Variants in ZBTB5 observed in about 807,000 individuals in gnomAD.
ZBTB5 encodes zinc finger and BTB domain containing 5, also known as zinc finger and BTB domain-containing protein 5.
Under a neutral mutation model 37.9 loss-of-function variants are expected in ZBTB5, and 15 were observed. The ratio of observed to expected loss-of-function variants is 0.40; its 90% CI spans 0.26 to 0.61. ZBTB5 has a LOEUF of 0.61. Ranked by LOEUF, ZBTB5 falls within the 20% of genes least tolerant of loss-of-function variation. The pLI, the probability that ZBTB5 is intolerant of heterozygous loss-of-function variation, is 0.47. For synonymous variants in ZBTB5, 315 were observed against 312.4 expected (o/e 1.01, Z -0.09); for missense variants, 708 against 856.8 (o/e 0.83, Z 2.17).
intron 1 of ZBTB5, among the ~76,000 whole-genome samples, chr9:37,458,750 TAACTCTGAA>T (rs1355115800): frequency 6.6e-6 from 1 of 152,254 alleles, no homozygotes; most frequent in Non-Finnish European, 1.5e-5. Flanking sequence ...AAGATCTGCA[TAACTCTGAA>T]ATCAGTATTT....
chr9:37,443,756 C>A (rs1021479417), intron 1 of ZBTB5, among the ~76,000 whole-genome samples: 1 of 151,496 alleles, frequency 6.6e-6, no homozygotes. Context: ...CAAGGTGAAA[C>A]CCTGTCTCTA....
chr9:37,453,861 G>A (rs1685610150), intron 1 of ZBTB5, among the ~76,000 whole-genome samples: 1 of 152,318 alleles, frequency 6.6e-6, no homozygotes, highest in East Asian at 1.9e-4. Flanking sequence ...AACTGTGAGG[G>A]AGTTATAAAT....
intron 1 of ZBTB5, among the ~76,000 whole-genome samples, chr9:37,461,178 TG>T (rs1824286726): frequency 6.6e-6 from 1 of 152,236 alleles, no homozygotes; most frequent in Non-Finnish European, 1.5e-5. Flanking sequence ...GTAGCATTTC[TG>T]GGCTCCTCCC....
Position 37,440,545 on chromosome 9 carries a change from G to A in ZBTB5, c.2007C>T (p.Ser669=). The change falls in exon 2 of 2, where the codon AGC becomes AGT. Residue 669 remains serine (S), a synonymous_variant. Coordinates refer to ENST00000307750, the MANE Select transcript of ZBTB5 (RefSeq NM_014872.3). ...AGAGCAAAGTGCTGGGAAGATTGCT[G>A]CTCTGCCAGCGCAGGCAGGTAGTCT... ...HSKTTCLRWQ[S]SNLPSTLL is the part of the protein sequence containing the mutation. The A allele has an allele frequency of 6.2e-7, 1 of 1,614,230 alleles. No individual in the cohort carries two copies. The highest frequency in any genetic ancestry group is 2.2e-5 in the East Asian group (1 of 44,884).
chr9:37,443,996 T>C (rs1262885533), intron 1 of ZBTB5, among the ~76,000 whole-genome samples: 4 of 152,010 alleles, frequency 2.6e-5, no homozygotes, highest in African/African-American at 9.7e-5. Flanking sequence ...GGTGGGAGGA[T>C]CACTTGAGCC....
chr9:37,465,030 G>A lies in ZBTB5; in HGVS notation c.-5+185C>T, dbSNP rs1824365908. Among the ~76,000 whole-genome samples the A allele has an allele frequency of 2.0e-5, 3 of 152,178 alleles. No homozygotes were observed. The South Asian group carries it at 6.2e-4, about 32-fold the overall frequency. ...TCGGGACACCGGGGACGCCTGCGCA[G>A]AAGAACCCGCCTGGCCCCTTGGCTC... On this transcript the variant is annotated intron_variant, in intron 1 of 1. Coordinates refer to ENST00000307750, the MANE Select transcript of ZBTB5 (RefSeq NM_014872.3).
chr9:37,459,049 T>C (rs568001197), intron 1 of ZBTB5, among the ~76,000 whole-genome samples: 3 of 152,352 alleles, frequency 2.0e-5, no homozygotes, highest in African/African-American at 7.2e-5. Context: ...CTGGAGTTTT[T>C]TGGTATATTT....
intron 1 of ZBTB5, among the ~76,000 whole-genome samples, chr9:37,459,932 G>A (rs1023275156): frequency 5.3e-5 from 8 of 150,094 alleles, no homozygotes; most frequent in South Asian, 2.1e-4. Context: ...GGATGGTCTC[G>A]ATCTCCTGAC....
At chr9:37,463,263 C>T (rs1424446814) in intron 1 of ZBTB5, among the ~76,000 whole-genome samples, 1 of 152,188 alleles carries the variant, frequency 6.6e-6, no homozygotes, top group East Asian at 1.9e-4. Context: ...AGACAAAAGG[C>T]ATAGTGTAGT....
chr9:37,465,377 C>T lies in ZBTB5; in HGVS notation c.-167G>A, dbSNP rs1204598152. The stretch of plus-strand genomic sequence containing the variant: ...CCCCCTCCCACCCCGCCTCTAGTCC[C>T]CTAGCTCCTCCAGCCAGTTCGCCGC... On this transcript the variant is annotated 5_prime_UTR_variant, in exon 1 of 2. Coordinates refer to ENST00000307750, the MANE Select transcript of ZBTB5 (RefSeq NM_014872.3). 6.6e-6 allele frequency: 1 copy of T among 151,658 alleles called. No individual in the cohort carries two copies. Among genetic ancestry groups the T allele is most frequent in the Non-Finnish European group, 1.5e-5 (1 of 67,882 alleles). 9.4% of individuals were successfully genotyped at this position (151,658 alleles called of 1,614,324 possible).
chr9:37,463,975 G>C (rs1006764692), intron 1 of ZBTB5, among the ~76,000 whole-genome samples: 2 of 152,192 alleles, frequency 1.3e-5, no homozygotes, highest in Non-Finnish European at 2.9e-5. Context: ...TCCCAAATTT[G>C]ATGAGATTTC....
intron 1 of ZBTB5, among the ~76,000 whole-genome samples, chr9:37,445,494 A>G (rs1823959074): frequency 6.6e-6 from 1 of 152,032 alleles, no homozygotes; most frequent in Admixed American, 6.6e-5. Context: ...CTAAAAATAC[A>G]AAAACAATTA....
Position 37,440,026 on chromosome 9 carries a change from A to G in ZBTB5, c.*492T>C, listed in dbSNP as rs895724081. On this transcript the variant is annotated 3_prime_UTR_variant, in exon 2 of 2. Transcript: ENST00000307750. ...TTGAGGCCTAGGACTAGCTCATGAT[A>G]CACTTTAAAGCATTTGTGGCAGACA... 2 of 164,670 alleles carry G rather than the reference A, an allele frequency of 1.2e-5. No individual in the cohort carries two copies. The highest frequency in any genetic ancestry group is 4.8e-5 in the African/African-American group (2 of 41,524). 10.2% of individuals were successfully genotyped at this position (164,670 alleles called of 1,614,324 possible). A position where few individuals can be genotyped will look rare whatever the true frequency, so the allele number is the denominator to read the frequency against.
chr9:37,450,668 C>A (rs548268972), intron 1 of ZBTB5, among the ~76,000 whole-genome samples: 12 of 152,160 alleles, frequency 7.9e-5, no homozygotes, highest in African/African-American at 2.9e-4. Context: ...AGTTCAAGAC[C>A]AGCCTGGCCA....
intron 1 of ZBTB5, among the ~76,000 whole-genome samples, chr9:37,460,959 A>G (rs551396027): frequency 6.6e-6 from 1 of 152,324 alleles, no homozygotes; most frequent in South Asian, 2.1e-4. Context: ...CACTATTATT[A>G]TGGTGCCTTT....
chr9:37,457,961 A>G (rs754057738), intron 1 of ZBTB5, among the ~76,000 whole-genome samples: 1 of 152,242 alleles, frequency 6.6e-6, no homozygotes, highest in Non-Finnish European at 1.5e-5. Flanking sequence ...TTTGAACTAA[A>G]GGCTATCATC....
chr9:37,449,382 CCA>C (rs1409359380), intron 1 of ZBTB5, among the ~76,000 whole-genome samples: 4 of 152,118 alleles, frequency 2.6e-5, no homozygotes, highest in Non-Finnish European at 5.9e-5. Context: ...TCCATGCACT[CCA>C]CTCTACATTC....
At chr9:37,464,872 G>T (rs955623285) in intron 1 of ZBTB5, among the ~76,000 whole-genome samples, 3 of 152,208 alleles carry the variant, frequency 2.0e-5, no homozygotes, top group Non-Finnish European at 2.9e-5. Context: ...CATCCCGCAG[G>T]GCAGCAGATC....
chr9:37,440,505 T>C lies in ZBTB5; in HGVS notation c.*13A>G, dbSNP rs1564308704. On this transcript the variant is annotated 3_prime_UTR_variant, in exon 2 of 2. Coordinates refer to ENST00000307750, the MANE Select transcript of ZBTB5 (RefSeq NM_014872.3). Reference sequence around the variant, plus strand: ...GACAACTGGCCTCAGCGTTGTCTTGTAAGGACAAACAGCTAGAGCAAAGTG... The same window carrying C: ...GACAACTGGCCTCAGCGTTGTCTTGCAAGGACAAACAGCTAGAGCAAAGTG... The C allele has an allele frequency of 1.2e-6, 2 of 1,611,756 alleles. No homozygotes were observed. Among genetic ancestry groups the C allele is most frequent in the South Asian group, 2.2e-5 (2 of 90,986 alleles).
Sources: gnomAD v4.1 joint callset for allele counts (sites outside exome capture counted in the v4.1 genomes callset) on GRCh38, gnomAD v4.1.1 for gene constraint, MANE v1.5 for transcripts, NCBI Gene and HGNC (gene_info 2026-07-23, HGNC 2026-07-21) for gene names.